The following TENM2 variants were observed in gnomAD, a reference collection of about 807,000 sequenced individuals.
TENM2 encodes teneurin transmembrane protein 2.
In TENM2, 52 loss-of-function variants were observed where a neutral mutation model predicts 245.2. That is an observed-to-expected ratio of 0.21 (90% CI 0.17 to 0.27). The LOEUF is 0.27. TENM2 is among the 10% of genes least tolerant of loss of function. The pLI, the probability that TENM2 is intolerant of heterozygous loss-of-function variation, is 1.00. For synonymous variants in TENM2, 1,363 were observed against 1,438.9 expected, an observed-to-expected ratio of 0.95 and a Z score of 1.19; for missense variants, 3,046 against 3,666.8, an observed-to-expected ratio of 0.83 and a Z score of 4.37.
chr5:167,950,408 T>A (rs1169894340), intron 3 of TENM2, among the ~76,000 whole-genome samples: 1 of 152,010 alleles, frequency 6.6e-6, no homozygotes, highest in African/African-American at 2.4e-5. Flanking sequence ...GGGAATTAAA[T>A]CCTTTATATG....
At chr5:167,982,595 A>T (rs183398439) in intron 4 of TENM2, among the ~76,000 whole-genome samples, 1 of 152,220 alleles carries the variant, frequency 6.6e-6, no homozygotes, top group African/African-American at 2.4e-5. Flanking sequence ...TAGAGGAGGC[A>T]TCTGAGGACC....
At chr5:167,385,560 G>A (rs1412101448) in intron 2 of TENM2, among the ~76,000 whole-genome samples, 1 of 149,684 alleles carries the variant, frequency 6.7e-6, no homozygotes, top group Admixed American at 6.7e-5. Flanking sequence ...TTGGTTACAT[G>A]AGTGAGTTCT....
At chr5:167,830,593 A>G (rs1768379347) in intron 2 of TENM2, among the ~76,000 whole-genome samples, 1 of 152,194 alleles carries the variant, frequency 6.6e-6, no homozygotes, top group Non-Finnish European at 1.5e-5. Flanking sequence ...GTGGAAACAA[A>G]TCAATGTTGT....
chr5:168,162,496 C>T, intron 12 of TENM2, 115 bp from the exon 15 acceptor site: 1 of 1,165,748 alleles, frequency 8.6e-7, no homozygotes. Context: ...GCGGGCCCCA[C>T]TGTGAGGCTG....
intron 5 of TENM2, among the ~76,000 whole-genome samples, chr5:167,994,337 T>A (rs1301955596): frequency 2.6e-5 from 4 of 152,172 alleles, no homozygotes; most frequent in Admixed American, 6.5e-5. Context: ...CCTTGCCCCT[T>A]CCCTCAACAT....
At chr5:167,550,071 T>G (rs1772828205) in intron 2 of TENM2, among the ~76,000 whole-genome samples, 1 of 152,228 alleles carries the variant, frequency 6.6e-6, no homozygotes, top group East Asian at 1.9e-4. Context: ...AATTAACATC[T>G]ACCTAACGTT....
chr5:167,092,916 C>G, the TENM2 span, among the ~76,000 whole-genome samples: 1 of 152,196 alleles, frequency 6.6e-6, no homozygotes, highest in Non-Finnish European at 1.5e-5. Context: ...ATAGGAATTA[C>G]TAAACCCCTT....
chr5:167,204,227 G>T, the TENM2 span, among the ~76,000 whole-genome samples: 1 of 151,472 alleles, frequency 6.6e-6, no homozygotes, highest in Non-Finnish European at 1.5e-5. Context: ...CTAAGGGTTA[G>T]GGGGAGAAGA....
intron 2 of TENM2, among the ~76,000 whole-genome samples, chr5:167,841,965 A>C (rs996471983): frequency 2.4e-4 from 36 of 152,032 alleles, no homozygotes; most frequent in African/African-American, 8.0e-4. Context: ...GTCTCTCTCT[A>C]TATATACACA....
rs540326142 is a variant in TENM2, at chr5:168,030,158, C to CTTT, written c.1187-17242_1187-17240dup. On this transcript the variant is annotated intron_variant, in intron 5 of 28. Coordinates refer to ENST00000518659, the Ensembl canonical transcript of TENM2. ...CTTTGGCCCAAGTCTGGTTCTGGCT[C>CTTT]TTTTTTTTTTTTTTTTTTTTTTTTT... 6.7e-3 allele frequency among the ~76,000 whole-genome samples: 438 copies of CTTT among 65,200 alleles called. 32 individuals carry two copies. Among genetic ancestry groups the CTTT allele is most frequent in the East Asian group, 0.028 (32 of 1,124 alleles). The allele number at this position is 65,200 out of a possible 152,430, so 42.8% of individuals were successfully genotyped here. A position where few individuals can be genotyped will look rare whatever the true frequency, so the allele number is the denominator to read the frequency against.
At chr5:167,227,838 A>C in the TENM2 span, among the ~76,000 whole-genome samples, 1 of 152,206 alleles carries the variant, frequency 6.6e-6, no homozygotes, top group African/African-American at 2.4e-5. Flanking sequence ...ATTTCATTAA[A>C]TAGGTTTTCC....
intron 3 of TENM2, among the ~76,000 whole-genome samples, chr5:167,890,431 A>T (rs2151457883): frequency 6.6e-6 from 1 of 152,310 alleles, no homozygotes; most frequent in East Asian, 1.9e-4. Context: ...AAGGAACAAG[A>T]TCATGTCCTT....
rs138473663 is a variant in TENM2, at chr5:167,460,149, G to T, written c.502+84676G>T. 1.2e-3 allele frequency among the ~76,000 whole-genome samples: 176 copies of T among 152,120 alleles called. 1 individual carries two copies. The highest frequency in any genetic ancestry group is 3.4e-3 in the African/African-American group (143 of 41,490). On this transcript the variant is annotated intron_variant, in intron 2 of 28. Transcript: ENST00000518659. ...GAGGTCCAGATAGGTTAAGTAATTGGTCCCAAGTTGAAAATTTAGTTAGAG... is the reference window on the plus strand; with the variant it reads ...GAGGTCCAGATAGGTTAAGTAATTGTTCCCAAGTTGAAAATTTAGTTAGAG...
chr5:167,829,100 AT>A (rs1768237548), intron 2 of TENM2, among the ~76,000 whole-genome samples: 1 of 152,124 alleles, frequency 6.6e-6, no homozygotes, highest in African/African-American at 2.4e-5. Flanking sequence ...AAGCTCTCTT[AT>A]TTTCTTAAAT....
chr5:167,121,019 TCAAA>T, the TENM2 span, among the ~76,000 whole-genome samples: 7 of 151,352 alleles, frequency 4.6e-5, no homozygotes, highest in African/African-American at 9.7e-5. Flanking sequence ...AGCTGCAAAA[TCAAA>T]CAAACAAAAC....
intron 5 of TENM2, among the ~76,000 whole-genome samples, chr5:167,997,703 T>A (rs1013142145): frequency 1.3e-5 from 2 of 152,208 alleles, no homozygotes; most frequent in African/African-American, 4.8e-5. Context: ...GAAATATTAT[T>A]TTCTTTTTAA....
chr5:167,598,964 A>G lies in TENM2; in HGVS notation c.502+223491A>G, dbSNP rs565493750. On this transcript the variant is annotated intron_variant, in intron 2 of 28. Coordinates refer to ENST00000518659, the Ensembl canonical transcript of TENM2. ...ACTGCGCTCTCCTAGCAAAGCCTCA[A>G]AGATTAAAGGGCTTTGTTTCACTTG... 1.8e-3 allele frequency among the ~76,000 whole-genome samples: 276 copies of G among 152,292 alleles called. 1 individual carries two copies. Among genetic ancestry groups the G allele is most frequent in the Non-Finnish European group, 2.9e-3 (194 of 68,026 alleles).
At chr5:168,134,395 A>G (rs761494369) in intron 12 of TENM2, among the ~76,000 whole-genome samples, 21 of 151,852 alleles carry the variant, frequency 1.4e-4, no homozygotes, top group Non-Finnish European at 2.1e-4. Flanking sequence ...GCACCAATGC[A>G]GGACAAATTG....
At chr5:168,009,919 A>G (rs1361466244) in intron 5 of TENM2, among the ~76,000 whole-genome samples, 3 of 152,100 alleles carry the variant, frequency 2.0e-5, no homozygotes, top group African/African-American at 7.2e-5. Flanking sequence ...TACATCGGTA[A>G]CCATTTCTAA....
Sources: gnomAD v4.1 joint callset for allele counts (sites outside exome capture counted in the v4.1 genomes callset) on GRCh38, gnomAD v4.1.1 for gene constraint, MANE v1.5 for transcripts, NCBI Gene and HGNC (gene_info 2026-07-23, HGNC 2026-07-21) for gene names.